Variants in GPR137C observed in about 807,000 individuals in gnomAD.
GPR137C encodes the protein G protein-coupled receptor 137C.
In GPR137C, 27 loss-of-function variants were observed where a neutral mutation model predicts 43.4. The observed-to-expected ratio is 0.62, with a 90% CI of 0.46 to 0.86. The LOEUF (loss-of-function observed/expected upper bound fraction) is 0.86. GPR137C is among the 40% of genes least tolerant of loss of function. The probability of loss-of-function intolerance (pLI) is 0.00; values close to 1 mark genes in which losing one functional copy is unlikely to be tolerated. For synonymous variants in GPR137C, 285 were observed against 226.9 expected (o/e 1.26, Z -2.30); for missense variants, 522 against 534.6 (o/e 0.98, Z 0.23).
intron 1 of GPR137C, among the ~76,000 whole-genome samples, chr14:52,571,649 G>T (rs942926147): frequency 4.6e-5 from 7 of 152,082 alleles, no homozygotes; most frequent in African/African-American, 1.4e-4. Flanking sequence ...ACTCCAGGGG[G>T]CCGTGTGAGA....
At chr14:52,627,327 AG>A (rs1266302008) in intron 3 of GPR137C, among the ~76,000 whole-genome samples, 2 of 152,186 alleles carry the variant, frequency 1.3e-5, no homozygotes, top group Admixed American at 1.3e-4. Context: ...CAGGAAGTCA[AG>A]GCTGCAGTGA....
At chr14:52,578,789 G>C (rs1479054948) in intron 1 of GPR137C, among the ~76,000 whole-genome samples, 2 of 151,914 alleles carry the variant, frequency 1.3e-5, no homozygotes, top group Admixed American at 6.6e-5. Context: ...ACTAAAAATA[G>C]AAAAATTAGC....
At chr14:52,629,395 T>C (rs1248063034) in intron 3 of GPR137C, among the ~76,000 whole-genome samples, 1 of 152,190 alleles carries the variant, frequency 6.6e-6, no homozygotes, top group African/African-American at 2.4e-5. Flanking sequence ...TGATTTACTT[T>C]CTCAATTTTC....
chr14:52,605,224 A>G (rs2038971454), intron 3 of GPR137C, among the ~76,000 whole-genome samples: 2 of 151,690 alleles, frequency 1.3e-5, no homozygotes, highest in Non-Finnish European at 2.9e-5. Context: ...GTCCTCTTCA[A>G]TTTCTTTCTT....
rs2038097610 is a variant in GPR137C at position 52,552,878 on chromosome 14, T to C, written c.-270T>C. Among the ~76,000 whole-genome samples the C allele has an allele frequency of 6.6e-6, 1 of 151,708 alleles. No individual in the cohort carries two copies. The highest frequency in any genetic ancestry group is 2.4e-5 in the African/African-American group (1 of 41,324). On this transcript the variant is annotated 5_prime_UTR_variant, in exon 1 of 7. Coordinates refer to ENST00000321662, the MANE Select transcript of GPR137C (RefSeq NM_001099652.2). Reference sequence around the variant, plus strand: ...TCAAATGCTCGGGTTTCTCAGCTGATTGTCTCCAGCCGAGAGTTGTTTTTT... The same window carrying C: ...TCAAATGCTCGGGTTTCTCAGCTGACTGTCTCCAGCCGAGAGTTGTTTTTT...
At chr14:52,566,969 T>C (rs1420580540) in intron 1 of GPR137C, among the ~76,000 whole-genome samples, 1 of 152,106 alleles carries the variant, frequency 6.6e-6, no homozygotes, top group African/African-American at 2.4e-5. Context: ...AAAAATTAGC[T>C]GAGCATGGTG....
chr14:52,633,469 T>C, intron 4 of GPR137C, 61 bp from the exon 5 acceptor site: 1 of 1,448,278 alleles, frequency 6.9e-7, no homozygotes, highest in Admixed American at 1.8e-5. Flanking sequence ...AAGTTAACTG[T>C]GGAGGTGATT....
At chr14:52,631,580 T>C (rs1001040309) in intron 3 of GPR137C, among the ~76,000 whole-genome samples, 8 of 152,102 alleles carry the variant, frequency 5.3e-5, no homozygotes, top group African/African-American at 1.9e-4. Context: ...TTGGAAGGGC[T>C]TTTTATGTTG....
At chr14:52,559,733 GTC>G (rs2038252192) in intron 1 of GPR137C, among the ~76,000 whole-genome samples, 1 of 152,170 alleles carries the variant, frequency 6.6e-6, no homozygotes, top group Non-Finnish European at 1.5e-5. Flanking sequence ...AAGTAAAATT[GTC>G]TCTATTTGTA....
At chr14:52,562,545 C>A (rs768681368) in intron 1 of GPR137C, among the ~76,000 whole-genome samples, 2 of 152,086 alleles carry the variant, frequency 1.3e-5, no homozygotes, top group Non-Finnish European at 2.9e-5. Context: ...ATCACTTGAG[C>A]CCAGGAGATT....
At chr14:52,587,342 A>G (rs2038726287) in intron 1 of GPR137C, among the ~76,000 whole-genome samples, 3 of 152,234 alleles carry the variant, frequency 2.0e-5, no homozygotes, top group Admixed American at 2.0e-4. Context: ...ATAAAGAATG[A>G]CATTCTAGTA....
intron 1 of GPR137C, among the ~76,000 whole-genome samples, chr14:52,585,807 CCTGGGCGATAGAGGGAGA>C (rs1192044459): frequency 6.6e-6 from 1 of 152,074 alleles, no homozygotes; most frequent in African/African-American, 2.4e-5. Flanking sequence ...TGCATTCCAA[CCTGGGCGATAGAGGGAGA>C]CTCAGTCTCA....
At chr14:52,618,502 T>C in intron 3 of GPR137C, among the ~76,000 whole-genome samples, 1 of 152,188 alleles carries the variant, frequency 6.6e-6, no homozygotes, top group East Asian at 1.9e-4. Flanking sequence ...TTTATTACCA[T>C]GATTGTCAGT....
intron 2 of GPR137C, 87 bp downstream of exon 2, chr14:52,598,402 AT>A (rs1308875812): frequency 8.5e-5 from 49 of 576,182 alleles, no homozygotes; most frequent in South Asian, 2.5e-4. Flanking sequence ...AAAAGATCTA[AT>A]TTTTTTTAAT....
At chr14:52,626,556 A>G (rs1469995367) in intron 3 of GPR137C, among the ~76,000 whole-genome samples, 1 of 152,174 alleles carries the variant, frequency 6.6e-6, no homozygotes, top group Admixed American at 6.5e-5. Flanking sequence ...TCATACTTAA[A>G]TATTGAATGT....
At chr14:52,632,421 C>G (rs1421644945) in intron 4 of GPR137C, 112 bp downstream of exon 4, 2 of 730,330 alleles carry the variant, frequency 2.7e-6, no homozygotes, top group Non-Finnish European at 4.5e-6. Flanking sequence ...TCTCTGTCTA[C>G]TGTCAGTAAT....
chr14:52,580,674 T>G (rs2038630278), intron 1 of GPR137C, among the ~76,000 whole-genome samples: 1 of 151,642 alleles, frequency 6.6e-6, no homozygotes, highest in African/African-American at 2.4e-5. Flanking sequence ...AATGAATAAT[T>G]TTTTTAAGCA....
chr14:52,553,643 G>A, intron 1 of GPR137C, 52 bp downstream of exon 1: 2 of 1,367,940 alleles, frequency 1.5e-6, no homozygotes, highest in Non-Finnish European at 2.0e-6. Context: ...CGGGGCCGCC[G>A]GGATCAACTC....
chr14:52,555,090 C>T (rs1386518648), intron 1 of GPR137C, among the ~76,000 whole-genome samples: 1 of 152,010 alleles, frequency 6.6e-6, no homozygotes, highest in Non-Finnish European at 1.5e-5. Flanking sequence ...ATCTTCCTGC[C>T]ACCATTTCAG....
Sources: gnomAD v4.1 joint callset for allele counts (sites outside exome capture counted in the v4.1 genomes callset) on GRCh38, gnomAD v4.1.1 for gene constraint, MANE v1.5 for transcripts, NCBI Gene and HGNC (gene_info 2026-07-23, HGNC 2026-07-21) for gene names.